Variants in ATP2C2 observed in about 807,000 individuals in gnomAD.
ATP2C2 encodes the protein ATPase secretory pathway Ca2+ transporting 2.
In ATP2C2, 171 loss-of-function variants were observed where a neutral mutation model predicts 110.8. The ratio of observed to expected loss-of-function variants is 1.54; its 90% CI spans 1.36 to 1.75. The LOEUF (loss-of-function observed/expected upper bound fraction) is 1.75, where lower values mean the gene tolerates loss of function less well. Ranked by LOEUF, ATP2C2 falls within the 40% of genes most tolerant of loss-of-function variation. ATP2C2 has a pLI of 0.00. For missense variants in ATP2C2, 1,963 were observed against 1,235.0 expected, an observed-to-expected ratio of 1.59 and a Z score of -8.84; for synonymous variants, 804 against 508.4, an observed-to-expected ratio of 1.58 and a Z score of -7.82.
intron 1 of ATP2C2, among the ~76,000 whole-genome samples, chr16:84,397,518 T>G (rs1337534225): frequency 1.3e-5 from 2 of 151,062 alleles, no homozygotes; most frequent in African/African-American, 4.9e-5. Context: ...CTACAAAATA[T>G]TAAAAAATTA....
intron 1 of ATP2C2, among the ~76,000 whole-genome samples, chr16:84,381,410 C>G (rs972670380): frequency 2.6e-5 from 4 of 152,020 alleles, no homozygotes; most frequent in African/African-American, 7.3e-5. Flanking sequence ...AACCTCATCT[C>G]TACTAAAAAT....
At chr16:84,431,732 C>A (rs1031437471) in intron 11 of ATP2C2, among the ~76,000 whole-genome samples, 13 of 152,136 alleles carry the variant, frequency 8.5e-5, no homozygotes, top group Non-Finnish European at 1.0e-4. Context: ...AAACTCATGG[C>A]CCCTTCTCCT....
intron 1 of ATP2C2, among the ~76,000 whole-genome samples, chr16:84,379,753 G>C (rs16963540): frequency 2.6e-5 from 4 of 152,110 alleles, no homozygotes; most frequent in Non-Finnish European, 5.9e-5. Context: ...AGACAAAAGA[G>C]TGAGCAAAGC....
At chr16:84,398,387 C>T (rs1294915496) in intron 1 of ATP2C2, 112 bp from the exon 2 acceptor site, 5 of 515,926 alleles carry the variant, frequency 9.7e-6, no homozygotes, top group Non-Finnish European at 1.5e-5. Context: ...GCCTGGGTGA[C>T]AGAGTGAGAC....
rs750884379 is a variant in ATP2C2, at chr16:84,460,795, G to A, written c.2475G>A (p.Trp825Ter). ...IIISGTLFIF[W>*]KEMPEDRAST... is the part of the protein sequence containing the mutation. ...TCAGCGGGACCCTCTTTATCTTCTG[G>A]AAGGAGGTGAGCGAGGGTCACCCCG... is the stretch of plus-strand genomic sequence containing the variant. Residue 825 changes from tryptophan (W) to a stop codon, truncating the protein, a stop_gained, in exon 24 of 27, where the codon TGG becomes TGA. Transcript: ENST00000262429. LOFTEE classifies it high-confidence loss of function. 9.3e-6 allele frequency: 15 copies of A among 1,611,948 alleles called. No homozygotes were observed. Among genetic ancestry groups the A allele is most frequent in the Non-Finnish European group, 1.3e-5 (15 of 1,178,442 alleles).
chr16:84,417,063 C>T (rs1382778418), intron 7 of ATP2C2, among the ~76,000 whole-genome samples: 1 of 152,200 alleles, frequency 6.6e-6, no homozygotes, highest in Non-Finnish European at 1.5e-5. Context: ...GGGCTTGAGC[C>T]CTGGGACCAT....
At chr16:84,381,677 T>C (rs12448020) in intron 1 of ATP2C2, among the ~76,000 whole-genome samples, 34,236 of 152,196 alleles carry the variant, frequency 0.22, 4,725 homozygotes, top group South Asian at 0.35. Context: ...ACTCCATGCT[T>C]CCATATTCCT....
In ATP2C2 at chr16:84,442,532, C is replaced by T. The variant is rs370258691; in HGVS notation, c.1334C>T (p.Ala445Val). 16 of 1,613,942 alleles carry T rather than the reference C, an allele frequency of 9.9e-6. No homozygotes were observed. The highest frequency in any genetic ancestry group is 1.6e-4 in the Middle Eastern group (1 of 6,062). The change falls in exon 15 of 27, where the codon GCG becomes GTG. Residue 445 changes from alanine (A) to valine (V), a missense_variant. By Grantham distance (64) the Ala-to-Val change is moderately conservative. Transcript: ENST00000262429. ...TAGGCGGGCTGTGTTGCCAACAATGCGGTCATCAGAAAGAACGCCGTGATG... is the reference window on the plus strand; with the variant it reads ...TAGGCGGGCTGTGTTGCCAACAATGTGGTCATCAGAAAGAACGCCGTGATG... ...LVEAGCVANN[A>V]VIRKNAVMGQ...
At chr16:84,385,578 C>G (rs564019147) in intron 1 of ATP2C2, among the ~76,000 whole-genome samples, 2 of 152,340 alleles carry the variant, frequency 1.3e-5, no homozygotes, top group African/African-American at 4.8e-5. Context: ...TTAGTCCACT[C>G]TCATGCTGCT....
At chr16:84,443,503 G>A (rs1050501888) in intron 15 of ATP2C2, among the ~76,000 whole-genome samples, 3 of 152,202 alleles carry the variant, frequency 2.0e-5, no homozygotes, top group African/African-American at 7.2e-5. Flanking sequence ...ACCCCTCGCT[G>A]CCGCCGAGCC....
At position 84,405,519 on chromosome 16, in the gene ATP2C2, C is replaced by A. The variant is rs192378046; in HGVS notation, c.327+275C>A. Among the ~76,000 whole-genome samples, 363 of 152,332 alleles carry A rather than the reference C, an allele frequency of 2.4e-3. 2 individuals carry two copies. The highest frequency in any genetic ancestry group is 3.6e-3 in the Non-Finnish European group (244 of 68,036). On this transcript the variant is annotated intron_variant, in intron 3 of 26. Coordinates refer to ENST00000262429, the MANE Select transcript of ATP2C2 (RefSeq NM_014861.4). ...ATAAGTAAGCATGCGCTTACTAATC[C>A]TCCTCCTAATCCCGCCTTTGCACAT...
rs770770817 is a variant in ATP2C2, at chr16:84,459,189, G to T, written c.2216+1G>T. 15 of 1,614,112 alleles carry T rather than the reference G, an allele frequency of 9.3e-6. No individual in the cohort carries two copies. In the East Asian group the frequency reaches 3.3e-4, roughly 36 times the overall value. ...ACTTTGTCCGATTCCAGCTGAGCAC[G>T]TAAGTAGAGGCCAGCATTCCGAGTG... On this transcript the variant is annotated splice_donor_variant, in intron 22 of 26. Coordinates refer to ENST00000262429, the MANE Select transcript of ATP2C2 (RefSeq NM_014861.4). LOFTEE classifies it high-confidence loss of function.
intron 11 of ATP2C2, 133 bp downstream of exon 11, chr16:84,425,934 C>G: frequency 2.8e-6 from 3 of 1,083,992 alleles, no homozygotes; most frequent in Non-Finnish European, 2.8e-6. Flanking sequence ...CACCCAAACT[C>G]CAGCCTCCCA....
Position 84,461,697 on chromosome 16 carries a change from T to C in ATP2C2, c.2482-17T>C, listed in dbSNP as rs769972521. 4 of 1,609,736 alleles carry C rather than the reference T, an allele frequency of 2.5e-6. No homozygotes were observed. Among genetic ancestry groups the C allele is most frequent in the Non-Finnish European group, 2.6e-6 (3 of 1,175,984 alleles). On this transcript the variant is annotated splice_polypyrimidine_tract_variant and intron_variant, in intron 24 of 26. Transcript: ENST00000262429. ...TCTCTTCCCGCCTAACCTCTCACCT[T>C]TGTGCTCACCTTCCAGATGCCTGAA...
chr16:84,402,083 G>A (rs1460764247), intron 2 of ATP2C2, among the ~76,000 whole-genome samples: 3 of 151,470 alleles, frequency 2.0e-5, no homozygotes, highest in African/African-American at 4.9e-5. Context: ...ATTTGCAGCT[G>A]TGGTAAATGG....
intron 1 of ATP2C2, among the ~76,000 whole-genome samples, chr16:84,396,066 G>C (rs980967209): frequency 6.6e-6 from 1 of 152,036 alleles, no homozygotes; most frequent in Non-Finnish European, 1.5e-5. Flanking sequence ...AGTCCTATAG[G>C]ATTTGTCCTT....
rs146779286 is a variant in ATP2C2, at chr16:84,450,446, G to A, written c.1661-1475G>A. ...TCCAGGGGAAGATGAAAAACCCCAC[G>A]GAGAGGGAAGGAGAGTTGGGGTGAG... On this transcript the variant is annotated intron_variant, in intron 17 of 26. Transcript: ENST00000262429. Among the ~76,000 whole-genome samples, 299 of 152,250 alleles carry A rather than the reference G, an allele frequency of 2.0e-3. 1 individual carries two copies. Among genetic ancestry groups the A allele is most frequent in the African/African-American group, 3.1e-3 (130 of 41,542 alleles).
At chr16:84,420,315 C>T (rs141636586) in intron 7 of ATP2C2, among the ~76,000 whole-genome samples, 3 of 152,212 alleles carry the variant, frequency 2.0e-5, no homozygotes, top group South Asian at 2.1e-4. Flanking sequence ...TCTGGCCTAT[C>T]GGAGGATATG....
intron 1 of ATP2C2, among the ~76,000 whole-genome samples, chr16:84,391,169 A>G (rs985420679): frequency 6.6e-6 from 1 of 151,884 alleles, no homozygotes; most frequent in Non-Finnish European, 1.5e-5. Flanking sequence ...TTCTGCCTAA[A>G]TCACCTGTGA....
Sources: gnomAD v4.1 joint callset for allele counts (sites outside exome capture counted in the v4.1 genomes callset) on GRCh38, gnomAD v4.1.1 for gene constraint, MANE v1.5 for transcripts, NCBI Gene and HGNC (gene_info 2026-07-23, HGNC 2026-07-21) for gene names.